LRRC3B: variants seen among roughly 807,000 people sequenced by gnomAD.
LRRC3B encodes leucine rich repeat containing 3B.
LRRC3B carries 2 observed loss-of-function variants against 12.8 expected under a neutral mutation model. The ratio of observed to expected loss-of-function variants is 0.16; its 90% CI spans 0.06 to 0.49. The LOEUF (loss-of-function observed/expected upper bound fraction) is 0.49, where lower values mean the gene tolerates loss of function less well. Among genes scored for constraint, LRRC3B ranks in the 20% least tolerant of loss-of-function variants. The pLI, the probability that LRRC3B is intolerant of heterozygous loss-of-function variation, is 0.96. For synonymous variants in LRRC3B, 132 were observed against 122.0 expected, an observed-to-expected ratio of 1.08 and a Z score of -0.54; for missense variants, 189 against 319.4, an observed-to-expected ratio of 0.59 and a Z score of 3.11.
intron 1 of LRRC3B, among the ~76,000 whole-genome samples, chr3:26,679,926 C>T (rs1284742785): frequency 2.0e-5 from 3 of 152,204 alleles, no homozygotes; most frequent in African/African-American, 4.8e-5. Flanking sequence ...ACAGAGAACA[C>T]GGAATCCCTG....
chr3:26,675,123 C>A (rs1441304260), intron 1 of LRRC3B, among the ~76,000 whole-genome samples: 1 of 152,150 alleles, frequency 6.6e-6, no homozygotes, highest in Non-Finnish European at 1.5e-5. Context: ...CGGTGTGGTT[C>A]TGCCCGCCTG....
intron 1 of LRRC3B, among the ~76,000 whole-genome samples, chr3:26,631,888 G>C (rs1698764427): frequency 6.6e-6 from 1 of 152,136 alleles, no homozygotes; most frequent in Non-Finnish European, 1.5e-5. Context: ...ATCCCTTTCA[G>C]TTATATGGGT....
chr3:26,649,245 C>G (rs999807029), intron 1 of LRRC3B, among the ~76,000 whole-genome samples: 1 of 152,200 alleles, frequency 6.6e-6, no homozygotes, highest in Admixed American at 6.5e-5. Flanking sequence ...CTTAGAACAT[C>G]ACACAGGTGA....
chr3:26,670,462 C>T lies in LRRC3B; in HGVS notation c.-160-39051C>T, dbSNP rs115479467. ...TTGTTCATTCTACCACTTATATCTT[C>T]GGGGAAATTATTTCTTCTTTCTGAG... is the stretch of plus-strand genomic sequence containing the variant. On this transcript the variant is annotated intron_variant, in intron 1 of 1. Coordinates refer to ENST00000396641, the Ensembl canonical transcript of LRRC3B. Among the ~76,000 whole-genome samples the T allele has an allele frequency of 7.7e-3, 1,175 of 152,218 alleles. 19 individuals carry two copies. Among genetic ancestry groups the T allele is most frequent in the African/African-American group, 0.027 (1,112 of 41,532 alleles).
chr3:26,671,373 T>TATATATATATATATATAGAG (rs1261897533), intron 1 of LRRC3B, among the ~76,000 whole-genome samples: 1 of 28,248 alleles, frequency 3.5e-5, no homozygotes. Context: ...TATATATATA[T>TATATATATATATATATAGAG]AGAGAGAGAG....
At chr3:26,638,820 T>C (rs912690549) in intron 1 of LRRC3B, among the ~76,000 whole-genome samples, 1 of 152,194 alleles carries the variant, frequency 6.6e-6, no homozygotes, top group African/African-American at 2.4e-5. Flanking sequence ...TGTTTTGAAA[T>C]GAGCCAAAGT....
intron 1 of LRRC3B, among the ~76,000 whole-genome samples, chr3:26,660,517 A>C (rs1253677106): frequency 2.6e-5 from 4 of 152,214 alleles, no homozygotes; most frequent in Non-Finnish European, 5.9e-5. Flanking sequence ...GAGAACCATC[A>C]AACATCATCA....
chr3:26,685,585 A>C (rs1700069146), intron 1 of LRRC3B, among the ~76,000 whole-genome samples: 1 of 134,746 alleles, frequency 7.4e-6, no homozygotes, highest in African/African-American at 2.9e-5. Flanking sequence ...AATATATACA[A>C]GCTTCACTCA....
At chr3:26,702,872 G>A (rs543792429) in intron 1 of LRRC3B, among the ~76,000 whole-genome samples, 38 of 152,238 alleles carry the variant, frequency 2.5e-4, no homozygotes, top group African/African-American at 8.4e-4. Flanking sequence ...GGAAGACAGG[G>A]TGGTCTACAG....
intron 1 of LRRC3B, among the ~76,000 whole-genome samples, chr3:26,660,723 A>C (rs545750838): frequency 6.6e-6 from 1 of 152,308 alleles, no homozygotes; most frequent in Non-Finnish European, 1.5e-5. Flanking sequence ...GATGTAAAAA[A>C]AATCAAGACA....
At chr3:26,689,110 C>T (rs1700141936) in intron 1 of LRRC3B, among the ~76,000 whole-genome samples, 1 of 152,160 alleles carries the variant, frequency 6.6e-6, no homozygotes, top group African/African-American at 2.4e-5. Flanking sequence ...AGCAGCTGAG[C>T]ATGAGGAGCC....
chr3:26,701,725 G>A (rs1219686275), intron 1 of LRRC3B, among the ~76,000 whole-genome samples: 1 of 152,062 alleles, frequency 6.6e-6, no homozygotes, highest in African/African-American at 2.4e-5. Flanking sequence ...AACTCCAGGG[G>A]TCATGTACTA....
Position 26,632,552 on chromosome 3 carries a change from C to T in LRRC3B, c.-161+9315C>T, listed in dbSNP as rs78452827. 5.5e-4 allele frequency among the ~76,000 whole-genome samples: 83 copies of T among 152,074 alleles called. No individual in the cohort carries two copies. The East Asian group carries it at 6.4e-3, about 12-fold the overall frequency. The stretch of plus-strand genomic sequence containing the variant: ...AAGATGGTGGATCCCCGAGCCGTTA[C>T]CCCCTAGACCCAGGGTTTATATATG... On this transcript the variant is annotated intron_variant, in intron 1 of 1. Coordinates refer to ENST00000396641, the Ensembl canonical transcript of LRRC3B.
chr3:26,623,386 G>C (rs1024946595), intron 1 of LRRC3B, 149 bp downstream of exon 1: 2 of 152,570 alleles, frequency 1.3e-5, no homozygotes, highest in Non-Finnish European at 2.9e-5. Context: ...TCCCTTTTGC[G>C]CAGACCCTGG....
At chr3:26,694,899 T>G (rs1559370089) in intron 1 of LRRC3B, 1 of 152,230 alleles carries the variant, frequency 6.6e-6, no homozygotes, top group Admixed American at 6.5e-5. Context: ...ACTGTGCTCA[T>G]GGTGAAAAAT....
At chr3:26,670,765 G>C in intron 1 of LRRC3B, among the ~76,000 whole-genome samples, 1 of 152,062 alleles carries the variant, frequency 6.6e-6, no homozygotes, top group Non-Finnish European at 1.5e-5. Flanking sequence ...GATAATTATA[G>C]CTACTACTTC....
rs150848661 is a variant in LRRC3B at position 26,659,514 on chromosome 3, A to G, written c.-161+36277A>G. 3.0e-3 allele frequency among the ~76,000 whole-genome samples: 462 copies of G among 152,324 alleles called. 3 individuals are homozygous for G. Among genetic ancestry groups the G allele is most frequent in the African/African-American group, 0.011 (445 of 41,570 alleles). On this transcript the variant is annotated intron_variant, in intron 1 of 1. Transcript: ENST00000396641. ...AAGTGATATACAGATATTAAGAGAGATTTAAGAATTCAATGGAAACTCATA... is the reference window on the plus strand; with the variant it reads ...AAGTGATATACAGATATTAAGAGAGGTTTAAGAATTCAATGGAAACTCATA...
intron 1 of LRRC3B, among the ~76,000 whole-genome samples, chr3:26,700,379 G>A (rs6796278): frequency 0.011 from 1,657 of 152,210 alleles, 15 homozygotes; most frequent in South Asian, 0.024. Context: ...AGAAACCAAT[G>A]CATGTTAAAT....
intron 1 of LRRC3B, among the ~76,000 whole-genome samples, chr3:26,701,870 CA>C (rs112860807): frequency 6.6e-6 from 1 of 151,864 alleles, no homozygotes; most frequent in South Asian, 2.1e-4. Flanking sequence ...CCCTTAATTC[CA>C]AAAAAAGTTA....
Sources: gnomAD v4.1 joint callset for allele counts (sites outside exome capture counted in the v4.1 genomes callset) on GRCh38, gnomAD v4.1.1 for gene constraint, MANE v1.5 for transcripts, NCBI Gene and HGNC (gene_info 2026-07-23, HGNC 2026-07-21) for gene names.